Variants in C2CD3 observed in about 807,000 individuals in gnomAD.
C2CD3 encodes the protein C2 domain-containing protein 3.
A neutral mutation model predicts 234.0 loss-of-function variants in C2CD3; 148 were observed. The observed-to-expected ratio is 0.63, with a 90% confidence interval of 0.55 to 0.72. C2CD3 has a LOEUF of 0.72. C2CD3 is among the 30% of genes least tolerant of loss of function. The probability of loss-of-function intolerance (pLI) is 0.00; values close to 1 mark genes in which losing one functional copy is unlikely to be tolerated. For missense variants in C2CD3, 2,577 were observed against 2,811.5 expected (o/e 0.92, Z 1.89); for synonymous variants, 1,000 against 1,035.4 (o/e 0.97, Z 0.66).
rs149818278 is a variant in C2CD3, at chr11:74,033,935, A to C, written c.6225T>G (p.Asn2075Lys). Residue 2075 changes from asparagine (N) to lysine (K), a missense_variant, in exon 31 of 33, where the codon AAT becomes AAG. Coordinates refer to ENST00000334126, the MANE Select transcript of C2CD3 (RefSeq NM_001286577.2). ...TTTTGTCTGTCACCGTGGTGATCTC[A>C]TTTAAGGTCCTGGGCTCAATGATGT... ...EEDIIEPRTL[N>K]EITTVTDKTS... 1.7e-3 allele frequency: 2,547 copies of C among 1,531,480 alleles called. 7 individuals carry two copies. Among genetic ancestry groups the C allele is most frequent in the Non-Finnish European group, 2.0e-3 (2,251 of 1,142,634 alleles). The allele number at this position is 1,531,480 out of a possible 1,614,324, so 94.9% of individuals were successfully genotyped here. A position where few individuals can be genotyped will look rare whatever the true frequency, so the allele number is the denominator to read the frequency against.
At chr11:74,161,625 G>A in intron 2 of C2CD3, 69 bp from the exon 3 acceptor site, 2 of 1,071,136 alleles carry the variant, frequency 1.9e-6, no homozygotes, top group Non-Finnish European at 2.7e-6. Flanking sequence ...GACGTGGGTA[G>A]AGGGGTATAT....
At chr11:74,163,595 C>G (rs983870075) in intron 2 of C2CD3, among the ~76,000 whole-genome samples, 6 of 152,190 alleles carry the variant, frequency 3.9e-5, no homozygotes, top group African/African-American at 1.4e-4. Context: ...TTGCTGGGCA[C>G]TCATTTTTCT....
Position 74,042,176 on chromosome 11 carries a change from A to G in C2CD3, c.5538T>C (p.His1846=), listed in dbSNP as rs987214610. The part of the protein sequence containing the change: ...TRSQASRHEE[H]VQNIRRFHES... ...CATGAAACCGGCGAATGTTCTGCAC[A>G]TGCTCTTCATGGCGTGATGCTTGGC... Residue 1846 remains histidine (H), a synonymous_variant, in exon 29 of 33, where the codon CAT becomes CAC. Coordinates refer to ENST00000334126, the MANE Select transcript of C2CD3 (RefSeq NM_001286577.2). The G allele has an allele frequency of 1.2e-6, 2 of 1,612,428 alleles. No homozygotes were observed. The highest frequency in any genetic ancestry group is 1.7e-6 in the Non-Finnish European group (2 of 1,179,806).
At chr11:74,043,582 C>T (rs914163430) in intron 28 of C2CD3, among the ~76,000 whole-genome samples, 26 of 152,014 alleles carry the variant, frequency 1.7e-4, no homozygotes, top group Non-Finnish European at 4.4e-5. Flanking sequence ...CAGTGTTTTA[C>T]TATCCCACCG....
rs1952807687 is a variant in C2CD3, at chr11:74,037,663, T to C, written c.5696A>G (p.Tyr1899Cys). 1 of 1,614,072 alleles carries C rather than the reference T, an allele frequency of 6.2e-7. No homozygotes were observed. Among genetic ancestry groups the C allele is most frequent in the Non-Finnish European group, 8.5e-7 (1 of 1,179,976 alleles). The change falls in exon 30 of 33, where the codon TAC becomes TGC. Residue 1899 changes from tyrosine to cysteine, a missense_variant. By Grantham distance (194) the Tyr-to-Cys change is radical. Coordinates refer to ENST00000334126, the MANE Select transcript of C2CD3 (RefSeq NM_001286577.2). ...NLSELDQIQR[Y>C]FRQKLTKPFL... ...AGGCTTGGTGAGCTTCTGGCGGAAG[T>C]ACCTCTGAATCTGATCAAGCTCACT...
chr11:74,074,850 A>G (rs1954962318), intron 23 of C2CD3, among the ~76,000 whole-genome samples: 1 of 152,150 alleles, frequency 6.6e-6, no homozygotes, highest in African/African-American at 2.4e-5. Context: ...ACGTTGGGAG[A>G]CTGAAGTGGG....
At position 74,078,709 on chromosome 11, in the gene C2CD3, C is replaced by T. The variant is rs767852213; in HGVS notation, c.4009G>A (p.Gly1337Arg). Residue 1337 changes from glycine (G) to arginine (R), a missense_variant, in exon 23 of 33, where the codon GGA becomes AGA. Coordinates refer to ENST00000334126, the MANE Select transcript of C2CD3 (RefSeq NM_001286577.2). ...TCTGGTAAAATGATAGGATACCATCCTGTGATCCCTTACGGGAGAAAATAA... is the reference window on the plus strand; with the variant it reads ...TCTGGTAAAATGATAGGATACCATCTTGTGATCCCTTACGGGAGAAAATAA... ...ELLIKRSGIT[G>R]WYPIILPEDG... The T allele has an allele frequency of 1.5e-5, 24 of 1,594,308 alleles. No individual in the cohort carries two copies. Among genetic ancestry groups the T allele is most frequent in the Admixed American group, 3.6e-5 (2 of 55,072 alleles).
intron 26 of C2CD3, among the ~76,000 whole-genome samples, chr11:74,053,998 C>T (rs577680781): frequency 5.3e-5 from 8 of 151,744 alleles, no homozygotes; most frequent in Non-Finnish European, 7.4e-5. Flanking sequence ...AGCAGCCAGG[C>T]GCGGTGGCTC....
chr11:74,167,757 T>C (rs1856900593), intron 2 of C2CD3, among the ~76,000 whole-genome samples: 1 of 152,248 alleles, frequency 6.6e-6, no homozygotes, highest in South Asian at 2.1e-4. Context: ...AGAATACTTT[T>C]CTTGTACAAA....
Position 74,168,423 on chromosome 11 carries a change from C to T in C2CD3, c.246G>A (p.Gln82=). Residue 82 remains glutamine, a synonymous_variant, in exon 2 of 33, where the codon CAG becomes CAA. Transcript: ENST00000334126. Reference sequence around the variant, plus strand: ...TTGTTCTCACAGCTTTTGGTTCAGTCTGCAATGCATCCCTGGGACAAAAGA... The same window carrying T: ...TTGTTCTCACAGCTTTTGGTTCAGTTTGCAATGCATCCCTGGGACAAAAGA... ...GTLFCPRDAL[Q]TEPKAVRTTT... 1 of 1,614,058 alleles carries T rather than the reference C, an allele frequency of 6.2e-7. No homozygotes were observed. The highest frequency in any genetic ancestry group is 8.5e-7 in the Non-Finnish European group (1 of 1,179,884).
At chr11:74,036,092 T>C (rs982441354) in intron 30 of C2CD3, 1 of 198,396 alleles carries the variant, frequency 5.0e-6, no homozygotes, top group Admixed American at 5.3e-5. Flanking sequence ...ACTCCTAACC[T>C]TAAGTGATCC....
At chr11:74,034,377 G>C (rs1052580845) in intron 30 of C2CD3, 99 bp from the exon 31 acceptor site, 16 of 1,482,290 alleles carry the variant, frequency 1.1e-5, no homozygotes, top group Admixed American at 4.5e-5. Context: ...ATGGCAATCA[G>C]ACTCTGAACA....
intron 28 of C2CD3, among the ~76,000 whole-genome samples, chr11:74,047,205 G>C (rs1230842296): frequency 6.6e-6 from 1 of 152,226 alleles, no homozygotes; most frequent in Non-Finnish European, 1.5e-5. Flanking sequence ...GATGGTTAGA[G>C]AGTGAATTAT....
At chr11:74,100,779 C>A (rs1956286536) in intron 14 of C2CD3, 103 bp from the exon 15 acceptor site, 3 of 968,762 alleles carry the variant, frequency 3.1e-6, no homozygotes, top group Admixed American at 2.7e-5. Flanking sequence ...CTATTGTTAA[C>A]ACACAGTGTT....
At chr11:74,128,402 T>C (rs981975741) in intron 7 of C2CD3, 3 of 152,206 alleles carry the variant, frequency 2.0e-5, no homozygotes, top group Non-Finnish European at 4.4e-5. Flanking sequence ...ATCCAATTTA[T>C]GTATCTTTTC....
intron 7 of C2CD3, among the ~76,000 whole-genome samples, chr11:74,124,280 TC>T (rs1471236740): frequency 1.3e-5 from 2 of 152,194 alleles, no homozygotes; most frequent in African/African-American, 4.8e-5. Flanking sequence ...TTCCTTAATT[TC>T]TCAAGAAAAT....
intron 22 of C2CD3, among the ~76,000 whole-genome samples, chr11:74,078,926 A>G (rs1241232256): frequency 6.6e-6 from 1 of 152,192 alleles, no homozygotes; most frequent in Non-Finnish European, 1.5e-5. Context: ...GGAAGATCTG[A>G]GTTCTCTTTG....
chr11:74,089,650 C>T (rs980736188), intron 20 of C2CD3, among the ~76,000 whole-genome samples: 1 of 152,194 alleles, frequency 6.6e-6, no homozygotes, highest in African/African-American at 2.4e-5. Flanking sequence ...GGAGCCTGAT[C>T]TAGTTCTCTT....
intron 3 of C2CD3, among the ~76,000 whole-genome samples, chr11:74,153,239 A>ACAAAACAAAACAAAC (rs1855791647): frequency 6.6e-6 from 1 of 151,474 alleles, no homozygotes; most frequent in Non-Finnish European, 1.5e-5. Context: ...ACAAAACAAA[A>ACAAAACAAAACAAAC]CAAAACAAAA....
Sources: gnomAD v4.1 joint callset for allele counts (sites outside exome capture counted in the v4.1 genomes callset) on GRCh38, gnomAD v4.1.1 for gene constraint, MANE v1.5 for transcripts, NCBI Gene and HGNC (gene_info 2026-07-23, HGNC 2026-07-21) for gene names.